DNM3: variants seen among roughly 807,000 people sequenced by gnomAD.
DNM3 encodes dynamin-3.
DNM3 carries 47 observed loss-of-function variants against 101.6 expected under a neutral mutation model. The observed-to-expected ratio is 0.46, with a 90% CI of 0.37 to 0.59. The LOEUF (loss-of-function observed/expected upper bound fraction) is 0.59. Ranked by LOEUF, DNM3 falls within the 20% of genes least tolerant of loss-of-function variation. The pLI, the probability that DNM3 is intolerant of heterozygous loss-of-function variation, is 0.00. For synonymous variants in DNM3, 385 were observed against 387.9 expected (o/e 0.99, Z 0.09); for missense variants, 849 against 1,085.7 (o/e 0.78, Z 3.06).
chr1:172,025,944 A>G (rs1368952966), intron 4 of DNM3, among the ~76,000 whole-genome samples: 1 of 152,120 alleles, frequency 6.6e-6, no homozygotes, highest in Non-Finnish European at 1.5e-5. Context: ...ACAAAACTGG[A>G]AGGAGAATGA....
At chr1:171,989,464 A>G (rs2125623189) in intron 4 of DNM3, among the ~76,000 whole-genome samples, 1 of 152,202 alleles carries the variant, frequency 6.6e-6, no homozygotes, top group Middle Eastern at 3.4e-3. Flanking sequence ...GGTAAAATAA[A>G]CTTCTGGTAC....
intron 1 of DNM3, among the ~76,000 whole-genome samples, chr1:171,854,009 G>A (rs1350010461): frequency 6.6e-6 from 1 of 152,166 alleles, no homozygotes; most frequent in Non-Finnish European, 1.5e-5. Flanking sequence ...AATAGCTTGA[G>A]TAGAGCATAT....
At chr1:172,170,201 T>A (rs1162960055) in intron 14 of DNM3, among the ~76,000 whole-genome samples, 3 of 151,948 alleles carry the variant, frequency 2.0e-5, no homozygotes, top group African/African-American at 7.2e-5. Context: ...CTTTAATATA[T>A]GTTAAATACT....
chr1:172,044,337 A>C (rs2049610011), intron 8 of DNM3, 48 bp from the exon 9 acceptor site: 4 of 1,463,192 alleles, frequency 2.7e-6, no homozygotes, highest in Non-Finnish European at 3.8e-6. Context: ...CAACAATATT[A>C]TTCAAAGGAA....
At chr1:172,390,056 G>A (rs2069436411) in intron 20 of DNM3, among the ~76,000 whole-genome samples, 1 of 152,188 alleles carries the variant, frequency 6.6e-6, no homozygotes, top group Non-Finnish European at 1.5e-5. Context: ...ACACTGTAAA[G>A]ACTACAGTTG....
In DNM3 at chr1:171,921,732, T is replaced by A. The variant is rs1343286531; in HGVS notation, c.162-16T>A. 1 of 1,567,558 alleles carries A rather than the reference T, an allele frequency of 6.4e-7. No homozygotes were observed. Among genetic ancestry groups the A allele is most frequent in the South Asian group, 1.2e-5 (1 of 85,222 alleles). On this transcript the variant is annotated splice_polypyrimidine_tract_variant and intron_variant, in intron 1 of 20. Coordinates refer to ENST00000627582, the MANE Select transcript of DNM3 (RefSeq NM_015569.5). Reference sequence around the variant, plus strand: ...AATTCCTTCATGCCTTAATCTGTATTTCTTACTTTTTTTAGGGACTTTCTC... The same window carrying A: ...AATTCCTTCATGCCTTAATCTGTATATCTTACTTTTTTTAGGGACTTTCTC...
chr1:171,945,301 A>T (rs113924276), intron 2 of DNM3, among the ~76,000 whole-genome samples: 87 of 152,272 alleles, frequency 5.7e-4, no homozygotes, highest in Non-Finnish European at 1.0e-3. Flanking sequence ...TTAAGAGACT[A>T]TTGTATAGAT....
intron 14 of DNM3, among the ~76,000 whole-genome samples, chr1:172,152,466 G>A (rs951623153): frequency 2.0e-5 from 3 of 152,186 alleles, no homozygotes; most frequent in Middle Eastern, 3.4e-3. Context: ...TTTGTCTTCA[G>A]ATCATAAAAT....
At chr1:171,934,157 G>A (rs2041238428) in intron 2 of DNM3, among the ~76,000 whole-genome samples, 1 of 152,070 alleles carries the variant, frequency 6.6e-6, no homozygotes, top group Non-Finnish European at 1.5e-5. Flanking sequence ...CATTTGTCCT[G>A]GTGAGGAATT....
rs2042062782 is a variant in DNM3 at position 171,944,854 on chromosome 1, CCTTT to C, written c.235+23034_235+23037del. Among the ~76,000 whole-genome samples, 8 of 37,588 alleles carry C rather than the reference CCTTT, an allele frequency of 2.1e-4. 2 individuals are homozygous for C. Among genetic ancestry groups the C allele is most frequent in the African/African-American group, 6.3e-4 (7 of 11,078 alleles). 24.7% of individuals were successfully genotyped at this position (37,588 alleles called of 152,430 possible). On this transcript the variant is annotated intron_variant, in intron 2 of 20. Transcript: ENST00000627582. ...TTTGTTTTCTTTTTTTTTGGTGTTTCCTTTTTTTTTTTTTTTTTTTTTTTTTTGA... is the reference window on the plus strand; with the variant it reads ...TTTGTTTTCTTTTTTTTTGGTGTTTCTTTTTTTTTTTTTTTTTTTTTTTGA...
intron 17 of DNM3, chr1:172,366,696 C>T (rs2068038336): frequency 6.6e-6 from 1 of 151,682 alleles, no homozygotes; most frequent in Admixed American, 6.6e-5. Context: ...AAGAACTAAA[C>T]AGAAATCTTG....
At chr1:172,145,357 C>T (rs116753258) in intron 14 of DNM3, among the ~76,000 whole-genome samples, 2,024 of 148,094 alleles carry the variant, frequency 0.014, 45 homozygotes, top group African/African-American at 0.048. Flanking sequence ...CCCCTCTTCC[C>T]CTCTCCCTCC....
At chr1:171,873,863 T>C (rs746335977) in intron 1 of DNM3, among the ~76,000 whole-genome samples, 3 of 152,236 alleles carry the variant, frequency 2.0e-5, no homozygotes, top group Admixed American at 6.5e-5. Context: ...CTGTTTCCTT[T>C]ACTTCCTAAT....
At chr1:171,981,802 CAG>C (rs550443020) in intron 2 of DNM3, among the ~76,000 whole-genome samples, 3 of 152,048 alleles carry the variant, frequency 2.0e-5, no homozygotes, top group East Asian at 3.9e-4. Context: ...AAAATGAAAA[CAG>C]AGAAATTTTA....
chr1:172,027,603 CACACACACACACACAG>C (rs924066603), intron 4 of DNM3, among the ~76,000 whole-genome samples: 12 of 136,726 alleles, frequency 8.8e-5, no homozygotes, highest in African/African-American at 3.2e-4. Context: ...CACACACACA[CACACACACACACACAG>C]AGAGAGAGAA....
intron 17 of DNM3, among the ~76,000 whole-genome samples, chr1:172,338,520 G>A (rs1052756620): frequency 5.3e-5 from 8 of 152,152 alleles, no homozygotes; most frequent in African/African-American, 1.9e-4. Context: ...AGTAGCTTAG[G>A]AGCCTGTGAA....
intron 12 of DNM3, among the ~76,000 whole-genome samples, chr1:172,087,958 G>C (rs2053646708): frequency 6.6e-6 from 1 of 152,140 alleles, no homozygotes; most frequent in African/African-American, 2.4e-5. Context: ...ATCCCTAACT[G>C]TACCATACTT....
chr1:172,251,959 G>C (rs1045452408), intron 14 of DNM3, among the ~76,000 whole-genome samples: 1 of 152,100 alleles, frequency 6.6e-6, no homozygotes, highest in African/African-American at 2.4e-5. Context: ...TTTTGAGAAA[G>C]CTGGACTCAA....
chr1:171,888,811 C>A (rs1409456480), intron 1 of DNM3, among the ~76,000 whole-genome samples: 1 of 151,894 alleles, frequency 6.6e-6, no homozygotes, highest in Non-Finnish European at 1.5e-5. Flanking sequence ...GAAAAGGTGA[C>A]CATATAAGAG....
Sources: gnomAD v4.1 joint callset for allele counts (sites outside exome capture counted in the v4.1 genomes callset) on GRCh38, gnomAD v4.1.1 for gene constraint, MANE v1.5 for transcripts, NCBI Gene and HGNC (gene_info 2026-07-23, HGNC 2026-07-21) for gene names.